The following DLG2 variants were observed in gnomAD, a reference collection of about 807,000 sequenced individuals.
DLG2 encodes discs large MAGUK scaffold protein 2.
A neutral mutation model predicts 132.5 loss-of-function variants in DLG2; 45 were observed. The ratio of observed to expected loss-of-function variants is 0.34; its 90% CI spans 0.27 to 0.44. The LOEUF is 0.44. DLG2 is among the 20% of genes least tolerant of loss of function. DLG2 has a pLI of 1.00. For synonymous variants in DLG2, 424 were observed against 419.6 expected (o/e 1.01, Z -0.13); for missense variants, 1,045 against 1,196.9 (o/e 0.87, Z 1.87).
chr11:84,892,939 C>A lies in DLG2; in HGVS notation c.357+218722G>T, dbSNP rs189136957. Among the ~76,000 whole-genome samples, 180 of 152,152 alleles carry A rather than the reference C, an allele frequency of 1.2e-3. 1 individual carries two copies. Among genetic ancestry groups the A allele is most frequent in the African/African-American group, 4.2e-3 (174 of 41,526 alleles). On this transcript the variant is annotated intron_variant, in intron 6 of 27. Coordinates refer to ENST00000376104, the MANE Select transcript of DLG2 (RefSeq NM_001142699.3). ...AGAGAATAAGGCAGGTTTTCCACAG[C>A]CCCCCAAGAACCCTCAAGTGAAGGT...
chr11:83,740,416 C>A (rs2092409652), intron 18 of DLG2, among the ~76,000 whole-genome samples: 1 of 152,108 alleles, frequency 6.6e-6, no homozygotes, highest in African/African-American at 2.4e-5. Flanking sequence ...AGATTATATA[C>A]TATATGATTA....
At chr11:85,338,590 T>G (rs1301571514) in intron 3 of DLG2, among the ~76,000 whole-genome samples, 1 of 152,120 alleles carries the variant, frequency 6.6e-6, no homozygotes, top group Non-Finnish European at 1.5e-5. Flanking sequence ...ATTTCCATAT[T>G]ACCAGATTAT....
intron 6 of DLG2, among the ~76,000 whole-genome samples, chr11:84,971,161 T>G (rs1393818704): frequency 1.3e-5 from 2 of 152,178 alleles, no homozygotes; most frequent in Non-Finnish European, 2.9e-5. Flanking sequence ...TACCGTTCAT[T>G]CCCAATGTTT....
chr11:83,705,589 CCTTTAAATTCAAATCTA>C (rs1199127941), intron 18 of DLG2, among the ~76,000 whole-genome samples: 1 of 151,852 alleles, frequency 6.6e-6, no homozygotes, highest in Non-Finnish European at 1.5e-5. Flanking sequence ...AACTTCTAAC[CCTTTAAATTCAAATCTA>C]CTTTACTTTC....
chr11:84,026,010 A>T (rs1213316913), intron 11 of DLG2, among the ~76,000 whole-genome samples: 2 of 152,186 alleles, frequency 1.3e-5, no homozygotes, highest in East Asian at 1.9e-4. Context: ...ACTTAAAAAA[A>T]ATTATTTCCA....
In DLG2 at chr11:85,107,678, A is replaced by G. The variant is rs532618644; in HGVS notation, c.357+3983T>C. Among the ~76,000 whole-genome samples, 17 of 152,118 alleles carry G rather than the reference A, an allele frequency of 1.1e-4. No individual in the cohort carries two copies. In the South Asian group the frequency reaches 3.5e-3, roughly 32 times the overall value. The stretch of plus-strand genomic sequence containing the variant: ...CTACTGTGTTCATATTCATGGTCAT[A>G]CAAACCAATGAGGCATATAATCAAT... On this transcript the variant is annotated intron_variant, in intron 6 of 27. Coordinates refer to ENST00000376104, the MANE Select transcript of DLG2 (RefSeq NM_001142699.3).
At chr11:84,243,119 T>C (rs2097257726) in intron 8 of DLG2, among the ~76,000 whole-genome samples, 2 of 151,890 alleles carry the variant, frequency 1.3e-5, no homozygotes. Flanking sequence ...ATTTCTTTCT[T>C]ATTATGTATT....
intron 8 of DLG2, among the ~76,000 whole-genome samples, chr11:84,174,467 T>C (rs2154273436): frequency 6.6e-6 from 1 of 152,296 alleles, no homozygotes; most frequent in East Asian, 1.9e-4. Flanking sequence ...CAAAAACGTT[T>C]TCTAGCCAAG....
At chr11:83,927,801 G>A (rs2079262751) in intron 15 of DLG2, among the ~76,000 whole-genome samples, 1 of 152,104 alleles carries the variant, frequency 6.6e-6, no homozygotes, top group African/African-American at 2.4e-5. Context: ...TGGGGGCTTG[G>A]ATTAAAGTGG....
At chr11:85,517,880 T>C (rs889373857) in intron 3 of DLG2, among the ~76,000 whole-genome samples, 1 of 152,132 alleles carries the variant, frequency 6.6e-6, no homozygotes, top group African/African-American at 2.4e-5. Flanking sequence ...GCTGTTCTCA[T>C]GATAGTGAAG....
intron 3 of DLG2, among the ~76,000 whole-genome samples, chr11:85,578,736 T>C (rs1421567712): frequency 6.6e-6 from 1 of 152,150 alleles, no homozygotes; most frequent in Non-Finnish European, 1.5e-5. Flanking sequence ...AAATAACAGA[T>C]ACTAGAAAGG....
chr11:83,928,217 G>A (rs566981260), intron 15 of DLG2, among the ~76,000 whole-genome samples: 1 of 152,062 alleles, frequency 6.6e-6, no homozygotes, highest in Admixed American at 6.5e-5. Flanking sequence ...GGTGGATGGG[G>A]GTTGGGGCCT....
chr11:85,369,884 G>A (rs1030369069), intron 3 of DLG2, among the ~76,000 whole-genome samples: 2 of 152,130 alleles, frequency 1.3e-5, no homozygotes, highest in South Asian at 4.1e-4. Flanking sequence ...TTTTAAAAAG[G>A]GAAGATAAAA....
intron 3 of DLG2, among the ~76,000 whole-genome samples, chr11:85,525,678 G>C (rs1052572772): frequency 2.6e-5 from 4 of 152,200 alleles, no homozygotes; most frequent in Non-Finnish European, 5.9e-5. Context: ...ACAAAGGACA[G>C]TAATGCCTGA....
intron 3 of DLG2, among the ~76,000 whole-genome samples, chr11:85,411,840 A>G (rs1359560633): frequency 1.3e-5 from 2 of 151,790 alleles, no homozygotes; most frequent in African/African-American, 4.8e-5. Flanking sequence ...AATATAACCA[A>G]TTTGCTTATT....
At chr11:83,822,231 T>C (rs183818212) in intron 17 of DLG2, among the ~76,000 whole-genome samples, 139 of 152,254 alleles carry the variant, frequency 9.1e-4, no homozygotes, top group African/African-American at 3.1e-3. Context: ...ACAATATGTC[T>C]CTCATCCTTT....
chr11:85,363,370 G>A (rs959952516), intron 3 of DLG2, among the ~76,000 whole-genome samples: 1 of 152,174 alleles, frequency 6.6e-6, no homozygotes, highest in Non-Finnish European at 1.5e-5. Flanking sequence ...GGAAAGGAAA[G>A]GAGGCTTGAA....
intron 6 of DLG2, among the ~76,000 whole-genome samples, chr11:85,047,642 AT>A (rs2062474228): frequency 1.3e-5 from 2 of 151,930 alleles, no homozygotes; most frequent in South Asian, 4.1e-4. Context: ...CCTCTGGGCT[AT>A]TAAAATAACT....
chr11:84,094,767 T>C (rs1945801), intron 10 of DLG2, among the ~76,000 whole-genome samples: 117,196 of 152,078 alleles, frequency 0.77, 46,185 homozygotes, highest in Middle Eastern at 0.9. Context: ...TATCATTACA[T>C]TGGGGATTAG....
Sources: gnomAD v4.1 joint callset for allele counts (sites outside exome capture counted in the v4.1 genomes callset) on GRCh38, gnomAD v4.1.1 for gene constraint, MANE v1.5 for transcripts, NCBI Gene and HGNC (gene_info 2026-07-23, HGNC 2026-07-21) for gene names.